The following PCCA variants were observed in gnomAD, a reference collection of about 807,000 sequenced individuals.
PCCA encodes propionyl-CoA carboxylase subunit alpha, also known as propionyl-CoA carboxylase alpha chain, mitochondrial.
Under a neutral mutation model 101.3 loss-of-function variants are expected in PCCA, and 74 were observed. That is an observed-to-expected ratio of 0.73 (90% CI 0.61 to 0.89). PCCA has a LOEUF of 0.89. Among genes scored for constraint, PCCA ranks in the 40% least tolerant of loss-of-function variants. The pLI, the probability that PCCA is intolerant of heterozygous loss-of-function variation, is 0.00. For missense variants in PCCA, 891 were observed against 907.0 expected (o/e 0.98, Z 0.23); for synonymous variants, 294 against 313.6 (o/e 0.94, Z 0.66).
chr13:100,493,594 G>A (rs2085069040), intron 21 of PCCA, among the ~76,000 whole-genome samples: 1 of 152,218 alleles, frequency 6.6e-6, no homozygotes. Context: ...CCCCCACAGA[G>A]TCTTGAGAAA....
chr13:100,435,810 G>A (rs1298968375), intron 20 of PCCA, among the ~76,000 whole-genome samples: 2 of 152,104 alleles, frequency 1.3e-5, no homozygotes, highest in East Asian at 1.9e-4. Context: ...TTGGGAGGCC[G>A]AGGCAGGTGG....
rs149772960 is a variant in PCCA at position 100,515,437 on chromosome 13, A to G, written c.1910A>G (p.Asn637Ser). 2.5e-6 allele frequency: 4 copies of G among 1,614,158 alleles called. No homozygotes were observed. The highest frequency in any genetic ancestry group is 2.7e-5 in the African/African-American group (2 of 75,060). The change falls in exon 22 of 24, where the codon AAT becomes AGT. Residue 637 changes from asparagine (N) to serine (S), a missense_variant. By Grantham distance (46) the Asn-to-Ser change is conservative (BLOSUM62 1). Coordinates refer to ENST00000376285, the MANE Select transcript of PCCA (RefSeq NM_000282.4). ...IQFLGTVYKVNILTRLAAELN... is the reference protein window; with the variant it reads ...IQFLGTVYKVSILTRLAAELN... ...TGTTTTTCCCTTAAGTACAAGGTGA[A>G]TATCTTAACCAGACTTGCCGCAGAA...
At chr13:100,284,683 G>A (rs1006798100) in intron 12 of PCCA, among the ~76,000 whole-genome samples, 9 of 152,164 alleles carry the variant, frequency 5.9e-5, no homozygotes, top group African/African-American at 1.9e-4. Flanking sequence ...GCTCTCTCAA[G>A]TACCAGAGGA....
intron 1 of PCCA, among the ~76,000 whole-genome samples, chr13:100,096,436 TCTC>T (rs1356010503): frequency 5.3e-5 from 8 of 152,208 alleles, no homozygotes; most frequent in African/African-American, 1.7e-4. Context: ...TGTCTCTCCC[TCTC>T]CTCAGGCTTC....
At chr13:100,341,503 G>A (rs776781620) in intron 18 of PCCA, among the ~76,000 whole-genome samples, 2 of 152,046 alleles carry the variant, frequency 1.3e-5, no homozygotes, top group South Asian at 2.1e-4. Flanking sequence ...CAAAGTTACC[G>A]GAAACGTGGC....
chr13:100,313,503 T>G (rs1195415105), intron 16 of PCCA, among the ~76,000 whole-genome samples: 2 of 152,128 alleles, frequency 1.3e-5, no homozygotes, highest in Non-Finnish European at 2.9e-5. Flanking sequence ...TTATAGGTGC[T>G]TGAGGCAGGG....
chr13:100,338,705 A>G (rs2070870061), intron 17 of PCCA, among the ~76,000 whole-genome samples: 1 of 147,964 alleles, frequency 6.8e-6, no homozygotes, highest in African/African-American at 2.5e-5. Context: ...TGTTGTGAGG[A>G]TCTAGTATGG....
At chr13:100,155,738 A>C (rs1305529908) in intron 5 of PCCA, among the ~76,000 whole-genome samples, 1 of 152,178 alleles carries the variant, frequency 6.6e-6, no homozygotes, top group Non-Finnish European at 1.5e-5. Flanking sequence ...AACTATGCAA[A>C]GTTATCTCTA....
chr13:100,327,270 A>G (rs973624843), intron 16 of PCCA, among the ~76,000 whole-genome samples: 1 of 152,072 alleles, frequency 6.6e-6, no homozygotes, highest in African/African-American at 2.4e-5. Flanking sequence ...GCTTTCTGTC[A>G]CTGTAGGCTC....
At chr13:100,514,751 T>C (rs1374222026) in intron 21 of PCCA, among the ~76,000 whole-genome samples, 8 of 152,226 alleles carry the variant, frequency 5.3e-5, no homozygotes, top group Non-Finnish European at 1.2e-4. Context: ...TTATAACATC[T>C]TGATGTTATT....
chr13:100,494,828 G>C (rs1398279254), intron 21 of PCCA, among the ~76,000 whole-genome samples: 1 of 151,938 alleles, frequency 6.6e-6, no homozygotes, highest in Admixed American at 6.6e-5. Flanking sequence ...TCCTTAAATT[G>C]TGACATCCCT....
intron 20 of PCCA, among the ~76,000 whole-genome samples, chr13:100,426,864 GA>G (rs1270578452): frequency 6.6e-6 from 1 of 151,698 alleles, no homozygotes; most frequent in African/African-American, 2.4e-5. Flanking sequence ...TAAGACTCTT[GA>G]AAAAAATATC....
At chr13:100,290,070 G>A (rs995463182) in intron 12 of PCCA, among the ~76,000 whole-genome samples, 2 of 152,086 alleles carry the variant, frequency 1.3e-5, no homozygotes, top group Admixed American at 6.5e-5. Flanking sequence ...ATTGGGTTTC[G>A]GTTCTTGTCT....
chr13:100,258,756 C>CCT (rs1318723471), intron 9 of PCCA, among the ~76,000 whole-genome samples: 3 of 152,064 alleles, frequency 2.0e-5, no homozygotes, highest in African/African-American at 4.8e-5. Context: ...ATATATTAGG[C>CCT]ATCATTTTGT....
At chr13:100,158,124 A>G (rs1010937316) in intron 6 of PCCA, among the ~76,000 whole-genome samples, 6 of 152,222 alleles carry the variant, frequency 3.9e-5, no homozygotes, top group Non-Finnish European at 7.3e-5. Flanking sequence ...CTCCTAGGCT[A>G]CAAACCTATA....
At position 100,424,975 on chromosome 13, in the gene PCCA, A is replaced by T. The variant is rs190326605; in HGVS notation, c.1747-658A>T. 2.3e-3 allele frequency among the ~76,000 whole-genome samples: 348 copies of T among 152,330 alleles called. 2 individuals carry two copies. The highest frequency in any genetic ancestry group is 4.4e-3 in the Admixed American group (67 of 15,304). Reference sequence around the variant, plus strand: ...TCATTTTAAATTAGCTATGATTTTTAAATTTCCATTACTTTTATATTTATT... The same window carrying T: ...TCATTTTAAATTAGCTATGATTTTTTAATTTCCATTACTTTTATATTTATT... On this transcript the variant is annotated intron_variant, in intron 19 of 23. Transcript: ENST00000376285.
intron 6 of PCCA, among the ~76,000 whole-genome samples, chr13:100,179,031 C>G (rs1025498290): frequency 6.7e-5 from 10 of 148,338 alleles, no homozygotes; most frequent in Admixed American, 2.0e-4. Context: ...GAGCCGAGAT[C>G]GTGCCACTGC....
At chr13:100,403,780 C>T (rs1595765946) in intron 19 of PCCA, among the ~76,000 whole-genome samples, 2 of 152,212 alleles carry the variant, frequency 1.3e-5, no homozygotes, top group African/African-American at 4.8e-5. Context: ...ACAGTGCTTC[C>T]TGCCTGCAGC....
intron 7 of PCCA, among the ~76,000 whole-genome samples, chr13:100,224,062 C>T (rs540095493): frequency 1.3e-5 from 2 of 152,104 alleles, no homozygotes; most frequent in Admixed American, 1.3e-4. Context: ...CTCCTCAGCC[C>T]TTGGGTGGTC....
Sources: allele counts gnomAD v4.1 joint callset (sites outside exome capture counted in the v4.1 genomes callset), GRCh38; gene constraint gnomAD v4.1.1; transcripts MANE v1.5; gene names NCBI Gene and HGNC (gene_info 2026-07-23, HGNC 2026-07-21).